The following SEMA5B variants were observed in gnomAD, a reference collection of about 807,000 sequenced individuals.
The protein encoded by SEMA5B is semaphorin 5B.
A neutral mutation model predicts 135.0 loss-of-function variants in SEMA5B; 66 were observed. The ratio of observed to expected loss-of-function variants is 0.49; its 90% confidence interval spans 0.40 to 0.60. The LOEUF (loss-of-function observed/expected upper bound fraction) is 0.60. Ranked by LOEUF, SEMA5B falls within the 20% of genes least tolerant of loss-of-function variation. The pLI is 0.00. For synonymous variants in SEMA5B, 690 were observed against 639.5 expected, an observed-to-expected ratio of 1.08 and a Z score of -1.19; for missense variants, 1,501 against 1,566.3, an observed-to-expected ratio of 0.96 and a Z score of 0.70.
At chr3:122,929,518 T>C (rs558736936) in intron 5 of SEMA5B, among the ~76,000 whole-genome samples, 5 of 152,292 alleles carry the variant, frequency 3.3e-5, no homozygotes, top group Admixed American at 2.6e-4. Context: ...AGAGATTTAA[T>C]TTTCTGTTGA....
Position 122,922,535 on chromosome 3 carries a change from G to T in SEMA5B, c.1273-88C>A. On this transcript the variant is annotated intron_variant, in intron 10 of 22. Transcript: ENST00000357599. Reference sequence around the variant, plus strand: ...CTCCCTCCTCCTGGCAACCCAGGTGGCCACAGCAGCGGACGCTGATTCTCC... The same window carrying T: ...CTCCCTCCTCCTGGCAACCCAGGTGTCCACAGCAGCGGACGCTGATTCTCC... The T allele has an allele frequency of 4.0e-6, 5 of 1,247,400 alleles. No individual in the cohort carries two copies. The South Asian group carries it at 4.1e-5, about 10-fold the overall frequency. The allele number at this position is 1,247,400 out of a possible 1,614,324, so 77.3% of individuals were successfully genotyped here.
chr3:123,019,968 G>A (rs1004144904), intron 1 of SEMA5B, among the ~76,000 whole-genome samples: 3 of 152,222 alleles, frequency 2.0e-5, no homozygotes, highest in Non-Finnish European at 4.4e-5. Flanking sequence ...TCAGAGGAGA[G>A]CAGTGAAAAG....
rs114558832 is a variant in SEMA5B, at chr3:122,982,729, A to C, written c.-38-21428T>G. On this transcript the variant is annotated intron_variant, in intron 1 of 22. Coordinates refer to ENST00000357599, the MANE Select transcript of SEMA5B (RefSeq NM_001031702.4). The stretch of plus-strand genomic sequence containing the variant: ...AGGTCTGCTGCCTGTAAACACACTT[A>C]GAGTCCCATGGAAACCACACACTGA... Among the ~76,000 whole-genome samples, 518 of 151,956 alleles carry C rather than the reference A, an allele frequency of 3.4e-3. 3 individuals are homozygous for C. Among genetic ancestry groups the C allele is most frequent in the African/African-American group, 0.012 (493 of 41,392 alleles).
intron 1 of SEMA5B, among the ~76,000 whole-genome samples, chr3:123,005,112 C>T (rs1185874197): frequency 1.3e-5 from 2 of 152,102 alleles, no homozygotes. Context: ...GGGATGAGCA[C>T]AATTTCACTC....
intron 2 of SEMA5B, among the ~76,000 whole-genome samples, chr3:122,960,136 T>C (rs1206319280): frequency 6.6e-6 from 1 of 152,190 alleles, no homozygotes; most frequent in Non-Finnish European, 1.5e-5. Flanking sequence ...CAAATCCAAC[T>C]AAAGGCCTGG....
intron 1 of SEMA5B, among the ~76,000 whole-genome samples, chr3:122,984,253 G>A (rs1941625970): frequency 6.6e-6 from 1 of 152,192 alleles, no homozygotes; most frequent in Admixed American, 6.5e-5. Flanking sequence ...AGGTCCAGCG[G>A]GAACTCTCCC....
At chr3:122,984,480 G>T (rs1248551668) in intron 1 of SEMA5B, among the ~76,000 whole-genome samples, 1 of 152,302 alleles carries the variant, frequency 6.6e-6, no homozygotes, top group Admixed American at 6.5e-5. Context: ...TCCGTCTGTG[G>T]CTTCTGTTTG....
chr3:122,928,284 G>C (rs985770725), intron 7 of SEMA5B, among the ~76,000 whole-genome samples: 2 of 152,174 alleles, frequency 1.3e-5, no homozygotes, highest in Non-Finnish European at 2.9e-5. Context: ...AATTTCAGAC[G>C]AACAGGGAGT....
intron 1 of SEMA5B, among the ~76,000 whole-genome samples, chr3:123,013,742 G>A (rs1373992968): frequency 6.6e-6 from 1 of 152,206 alleles, no homozygotes; most frequent in Non-Finnish European, 1.5e-5. Context: ...GCCTCTGGAA[G>A]CACACACCCC....
intron 5 of SEMA5B, among the ~76,000 whole-genome samples, chr3:122,931,473 T>A (rs1938967318): frequency 6.6e-6 from 1 of 152,180 alleles, no homozygotes; most frequent in South Asian, 2.1e-4. Flanking sequence ...GAAACAAAAT[T>A]GCTGCCAATC....
At chr3:122,937,984 G>T (rs1454592100) in intron 5 of SEMA5B, among the ~76,000 whole-genome samples, 2 of 152,088 alleles carry the variant, frequency 1.3e-5, no homozygotes, top group South Asian at 4.1e-4. Context: ...CTTACTTTCC[G>T]GCCAATGGAA....
intron 5 of SEMA5B, among the ~76,000 whole-genome samples, chr3:122,934,968 G>A (rs898956865): frequency 5.3e-5 from 8 of 152,216 alleles, no homozygotes; most frequent in African/African-American, 7.2e-5. Context: ...GGACAGGGAC[G>A]TGGGGGGATG....
At position 122,922,073 on chromosome 3, in the gene SEMA5B, G is replaced by A. The variant is rs1468125107; in HGVS notation, c.1530C>T (p.His510=). The change falls in exon 12 of 23, where the codon CAC becomes CAT. Residue 510 remains histidine, a synonymous_variant. Coordinates refer to ENST00000357599, the MANE Select transcript of SEMA5B (RefSeq NM_001031702.4). ...CGTGCAGCTCCTCCAGGTAGCAGCC[G>A]TGGAGGCTGCGGCTCGCCGTGGACA... The part of the protein sequence containing the change: ...KALSTASRSL[H]GCYLEELHVL... 3.3e-6 allele frequency: 5 copies of A among 1,496,060 alleles called. No homozygotes were observed. The East Asian group carries it at 7.2e-5, about 21-fold the overall frequency. The allele number at this position is 1,496,060 out of a possible 1,614,324, so 92.7% of individuals were successfully genotyped here.
rs1199332047 is a variant in SEMA5B, at chr3:122,922,018, G to T, written c.1585C>A (p.Arg529Ser). 2 of 1,513,018 alleles carry T rather than the reference G, an allele frequency of 1.3e-6. No individual in the cohort carries two copies. The highest frequency in any genetic ancestry group is 1.4e-5 in the African/African-American group (1 of 72,082). 93.7% of individuals were successfully genotyped at this position (1,513,018 alleles called of 1,614,324 possible). ...GCGCTGTGCAGGATGCGCAGGCTGC[G>T]CAGGGGCTCGCGGCGCCCGGGGGGC... The part of the protein sequence containing the change: ...VLPPGRREPL[R>S]SLRILHSARA... Residue 529 changes from arginine to serine, a missense_variant, in exon 12 of 23, where the codon CGC (arginine) becomes AGC (serine). This residue lies in a region of SEMA5B where 927 missense variants were observed against 881.6 expected (regional missense o/e 1.05). Coordinates refer to ENST00000357599, the MANE Select transcript of SEMA5B (RefSeq NM_001031702.4).
chr3:122,918,993 C>CTTTTTTTTTTTTTTT (rs63373262), intron 12 of SEMA5B, among the ~76,000 whole-genome samples: 1 of 80,362 alleles, frequency 1.2e-5, no homozygotes, highest in Non-Finnish European at 2.6e-5. Context: ...ATCACCATGT[C>CTTTTTTTTTTTTTTT]TTTTTTTTTT....
intron 22 of SEMA5B, among the ~76,000 whole-genome samples, 167 bp downstream of exon 22, chr3:122,910,673 A>G (rs933921955): frequency 1.3e-5 from 2 of 151,262 alleles, no homozygotes; most frequent in Non-Finnish European, 3.0e-5. Context: ...AGCCGGGCGT[A>G]GTGGCGGGCG....
At chr3:122,930,550 A>G (rs1938912146) in intron 5 of SEMA5B, among the ~76,000 whole-genome samples, 1 of 152,272 alleles carries the variant, frequency 6.6e-6, no homozygotes, top group African/African-American at 2.4e-5. Context: ...GCAGTTGTGC[A>G]GGCCAAAAGC....
At position 122,996,562 on chromosome 3, in the gene SEMA5B, C is replaced by T. The variant is rs540233242; in HGVS notation, c.-39+30902G>A. ...GACTGTGGGGCTGGGCCCACATGGA[C>T]TGAGAGCACTGTCTTGGTTTGGGGC... On this transcript the variant is annotated intron_variant, in intron 1 of 22. Transcript: ENST00000357599. Among the ~76,000 whole-genome samples, 4 of 152,354 alleles carry T rather than the reference C, an allele frequency of 2.6e-5. No individual in the cohort carries two copies. In the South Asian group the frequency reaches 6.2e-4, roughly 24 times the overall value.
At chr3:122,924,004 C>CG (rs1343480658) in intron 9 of SEMA5B, among the ~76,000 whole-genome samples, 4 of 151,890 alleles carry the variant, frequency 2.6e-5, no homozygotes, top group African/African-American at 9.7e-5. Context: ...CTCCCTTATT[C>CG]GGGGGCGCTG....
Sources: allele counts gnomAD v4.1 joint callset (sites outside exome capture counted in the v4.1 genomes callset), GRCh38; gene constraint gnomAD v4.1.1; regional missense constraint gnomAD v4.1.1; transcripts MANE v1.5; gene names NCBI Gene and HGNC (gene_info 2026-07-23, HGNC 2026-07-21).